Variants in NAALADL2 observed in about 807,000 individuals in gnomAD.
The protein encoded by NAALADL2 is N-acetylated alpha-linked acidic dipeptidase like 2.
NAALADL2 carries 76 observed loss-of-function variants against 87.2 expected under a neutral mutation model. The observed-to-expected ratio is 0.87, with a 90% CI of 0.72 to 1.05. The LOEUF (loss-of-function observed/expected upper bound fraction) is 1.05, where lower values mean the gene tolerates loss of function less well. NAALADL2 is among the 50% of genes least tolerant of loss of function. The pLI, the probability that NAALADL2 is intolerant of heterozygous loss-of-function variation, is 0.00. For synonymous variants in NAALADL2, 354 were observed against 331.0 expected (o/e 1.07, Z -0.75); for missense variants, 1,089 against 945.8 (o/e 1.15, Z -1.99).
chr3:175,471,610 G>A, intron 8 of NAALADL2, 29 bp from the exon 9 acceptor site: 1 of 1,203,028 alleles, frequency 8.3e-7, no homozygotes, highest in Non-Finnish European at 1.2e-6. Context: ...TTGTCTTACA[G>A]ATAGATCCTT....
At chr3:174,710,669 C>T (rs959120407) in intron 2 of NAALADL2, among the ~76,000 whole-genome samples, 2 of 152,154 alleles carry the variant, frequency 1.3e-5, no homozygotes, top group African/African-American at 4.8e-5. Context: ...AGGGGGCCAT[C>T]TGGCAAAGAA....
intron 1 of NAALADL2, among the ~76,000 whole-genome samples, chr3:175,069,041 C>T (rs1012000335): frequency 1.3e-5 from 2 of 151,868 alleles, no homozygotes; most frequent in Non-Finnish European, 2.9e-5. Context: ...AACGTTAGAC[C>T]TAAAACAATA....
intron 9 of NAALADL2, among the ~76,000 whole-genome samples, chr3:175,506,409 C>G (rs547531931): frequency 4.6e-5 from 7 of 152,090 alleles, no homozygotes; most frequent in Non-Finnish European, 1.0e-4. Flanking sequence ...TATTGTACAA[C>G]ATTTAGGAAC....
chr3:174,840,968 T>C (rs1723960656), intron 3 of NAALADL2, among the ~76,000 whole-genome samples: 1 of 151,912 alleles, frequency 6.6e-6, no homozygotes, highest in East Asian at 1.9e-4. Flanking sequence ...GTGCCCATTA[T>C]GATGTTGAAC....
At chr3:175,163,281 T>C (rs1160672007) in intron 2 of NAALADL2, among the ~76,000 whole-genome samples, 3 of 152,108 alleles carry the variant, frequency 2.0e-5, no homozygotes, top group Admixed American at 2.0e-4. Flanking sequence ...AATAATTATG[T>C]CTGCTTTTTT....
At chr3:175,673,743 T>C (rs943079867) in intron 11 of NAALADL2, among the ~76,000 whole-genome samples, 3 of 152,062 alleles carry the variant, frequency 2.0e-5, no homozygotes, top group African/African-American at 7.2e-5. Flanking sequence ...TGATAGATTC[T>C]CACTATAAAA....
chr3:174,747,752 T>G (rs1431809912), intron 3 of NAALADL2, among the ~76,000 whole-genome samples: 1 of 151,780 alleles, frequency 6.6e-6, no homozygotes, highest in African/African-American at 2.4e-5. Context: ...GACACTGTGG[T>G]GATTCCTCAA....
intron 1 of NAALADL2, among the ~76,000 whole-genome samples, chr3:174,926,789 T>A (rs967880557): frequency 6.6e-6 from 1 of 152,086 alleles, no homozygotes; most frequent in African/African-American, 2.4e-5. Flanking sequence ...AGGAAGAAAC[T>A]GCATCAACTA....
chr3:175,134,881 C>T (rs898538837), intron 2 of NAALADL2, among the ~76,000 whole-genome samples: 2 of 152,086 alleles, frequency 1.3e-5, no homozygotes, highest in African/African-American at 4.8e-5. Flanking sequence ...AATAATAAAG[C>T]ATAAATCAAT....
intron 1 of NAALADL2, among the ~76,000 whole-genome samples, chr3:174,866,063 A>G (rs1339840712): frequency 6.6e-6 from 1 of 151,960 alleles, no homozygotes; most frequent in Non-Finnish European, 1.5e-5. Flanking sequence ...CCTAGCAGCC[A>G]AAAGAAAATA....
At chr3:175,158,676 GT>G (rs1453472442) in intron 2 of NAALADL2, among the ~76,000 whole-genome samples, 2 of 151,968 alleles carry the variant, frequency 1.3e-5, no homozygotes, top group Admixed American at 6.6e-5. Flanking sequence ...GAGCTCCAAT[GT>G]TTAAAATATA....
intron 4 of NAALADL2, among the ~76,000 whole-genome samples, chr3:175,313,190 A>G (rs1758604875): frequency 1.3e-5 from 2 of 151,842 alleles, no homozygotes; most frequent in African/African-American, 2.4e-5. Context: ...CACCCATTCG[A>G]CCTCATTTAA....
chr3:174,565,699 G>C (rs145330165), intron 2 of NAALADL2, among the ~76,000 whole-genome samples: 5,067 of 152,050 alleles, frequency 0.033, 94 homozygotes, highest in Non-Finnish European at 0.053. Flanking sequence ...TAAAGATTGG[G>C]ATTGCTGGAT....
intron 2 of NAALADL2, among the ~76,000 whole-genome samples, chr3:174,726,485 T>C (rs1043346732): frequency 2.3e-4 from 35 of 152,152 alleles, no homozygotes; most frequent in African/African-American, 8.4e-4. Flanking sequence ...TGTATTTAAA[T>C]ATTATTTGTC....
intron 3 of NAALADL2, among the ~76,000 whole-genome samples, chr3:174,819,722 T>C (rs1721220993): frequency 6.6e-6 from 1 of 152,278 alleles, no homozygotes; most frequent in Admixed American, 6.5e-5. Context: ...TATAGCCTCA[T>C]GTTATACAGA....
chr3:174,885,326 C>G (rs748755681), intron 1 of NAALADL2, among the ~76,000 whole-genome samples: 6 of 152,070 alleles, frequency 3.9e-5, no homozygotes, highest in Admixed American at 6.6e-5. Flanking sequence ...GCAATTTTAG[C>G]AGATTTGAGG....
At chr3:175,242,215 G>C (rs141601651) in intron 3 of NAALADL2, among the ~76,000 whole-genome samples, 48 of 152,016 alleles carry the variant, frequency 3.2e-4, no homozygotes, top group African/African-American at 1.1e-3. Flanking sequence ...TTTAGTCACC[G>C]TAATTACCAT....
rs538891603 is a variant in NAALADL2, at chr3:174,635,700, A to T, written c.-115+85063A>T. Among the ~76,000 whole-genome samples, 3 of 152,178 alleles carry T rather than the reference A, an allele frequency of 2.0e-5. No homozygotes were observed. In the East Asian group the frequency reaches 5.8e-4, roughly 29 times the overall value. ...GTATTTTTAGTAGAGACGGGGTTTCACCATATTGGCCAGAATGGTCTGGAA... is the reference window on the plus strand; with the variant it reads ...GTATTTTTAGTAGAGACGGGGTTTCTCCATATTGGCCAGAATGGTCTGGAA... On this transcript the variant is annotated intron_variant, in intron 2 of 3. Coordinates refer to the NAALADL2 transcript ENST00000434257.
chr3:175,455,896 A>G (rs1353225625), intron 6 of NAALADL2, among the ~76,000 whole-genome samples: 1 of 152,044 alleles, frequency 6.6e-6, no homozygotes, highest in Non-Finnish European at 1.5e-5. Context: ...TATTTTCTAG[A>G]GCCAGGTGGA....
Sources: gnomAD v4.1 joint callset for allele counts (sites outside exome capture counted in the v4.1 genomes callset) on GRCh38, gnomAD v4.1.1 for gene constraint, MANE v1.5 for transcripts, NCBI Gene and HGNC (gene_info 2026-07-23, HGNC 2026-07-21) for gene names.